ARB2A: variants seen among roughly 807,000 people sequenced by gnomAD.
ARB2A encodes cotranscriptional regulator ARB2A.
At chr5:93,976,110 C>A in the ARB2A span, among the ~76,000 whole-genome samples, 4 of 152,110 alleles carry the variant, frequency 2.6e-5, no homozygotes, top group African/African-American at 9.7e-5. Context: ...AAATGTGATT[C>A]ATTACATAAA....
At chr5:94,083,293 A>G in the ARB2A span, among the ~76,000 whole-genome samples, 1 of 152,208 alleles carries the variant, frequency 6.6e-6, no homozygotes, top group Non-Finnish European at 1.5e-5. Context: ...TTTTACAAGT[A>G]GACTTCTCCT....
the ARB2A span, among the ~76,000 whole-genome samples, chr5:93,688,249 C>T: frequency 6.6e-6 from 1 of 152,216 alleles, no homozygotes; most frequent in Admixed American, 6.5e-5. Flanking sequence ...GCTGGGATTA[C>T]AGGCGTAAGC....
At chr5:93,933,028 G>A in the ARB2A span, among the ~76,000 whole-genome samples, 1 of 152,148 alleles carries the variant, frequency 6.6e-6, no homozygotes, top group Admixed American at 6.5e-5. Flanking sequence ...AGACATTTAT[G>A]CGGACAACAA....
the ARB2A span, among the ~76,000 whole-genome samples, chr5:94,036,154 C>T: frequency 1.3e-5 from 2 of 152,108 alleles, no homozygotes; most frequent in African/African-American, 2.4e-5. Flanking sequence ...TTTTTCTCTG[C>T]TCAGTTACAT....
the ARB2A span, among the ~76,000 whole-genome samples, chr5:94,063,234 G>A: frequency 1.3e-5 from 2 of 152,120 alleles, no homozygotes; most frequent in Admixed American, 6.5e-5. Flanking sequence ...CAGGGGCCTG[G>A]GGATTGCCAA....
chr5:93,669,654 G>A, the ARB2A span, among the ~76,000 whole-genome samples: 1 of 152,278 alleles, frequency 6.6e-6, no homozygotes, highest in East Asian at 1.9e-4. Context: ...CCCCATTGCA[G>A]TATGCAGAAG....
chr5:93,687,214 C>T, the ARB2A span, among the ~76,000 whole-genome samples: 1 of 152,122 alleles, frequency 6.6e-6, no homozygotes, highest in Non-Finnish European at 1.5e-5. Context: ...AACCTCACTG[C>T]TTACCAAATA....
the ARB2A span, among the ~76,000 whole-genome samples, chr5:93,763,828 C>A: frequency 6.6e-6 from 1 of 152,218 alleles, no homozygotes; most frequent in Non-Finnish European, 1.5e-5. Flanking sequence ...TGTAAAAGAA[C>A]AGAAATTATA....
the ARB2A span, among the ~76,000 whole-genome samples, chr5:93,887,683 A>G: frequency 6.6e-6 from 1 of 151,932 alleles, no homozygotes; most frequent in African/African-American, 2.4e-5. Context: ...AGTATGATAC[A>G]AAGATACCCA....
chr5:93,705,900 G>A, the ARB2A span, among the ~76,000 whole-genome samples: 1 of 152,056 alleles, frequency 6.6e-6, no homozygotes, highest in Non-Finnish European at 1.5e-5. Context: ...TTTGGGGATT[G>A]GAAGTTCTTA....
the ARB2A span, chr5:93,958,627 T>G: frequency 1.5e-4 from 80 of 523,868 alleles, 1 homozygote; most frequent in East Asian, 2.7e-3. Flanking sequence ...TGCAAAATAA[T>G]GCAGAATAAT....
chr5:93,814,478 T>C, the ARB2A span, among the ~76,000 whole-genome samples: 1 of 152,210 alleles, frequency 6.6e-6, no homozygotes, highest in East Asian at 1.9e-4. Flanking sequence ...ATGTATTACA[T>C]AGCTATTATT....
chr5:93,969,550 G>A, the ARB2A span, among the ~76,000 whole-genome samples: 2 of 152,052 alleles, frequency 1.3e-5, no homozygotes, highest in Non-Finnish European at 2.9e-5. Context: ...ATTAGAGTCT[G>A]ACTCAAATTT....
the ARB2A span, among the ~76,000 whole-genome samples, chr5:93,874,718 T>G: frequency 2.8e-4 from 42 of 152,264 alleles, 1 homozygote; most frequent in East Asian, 7.5e-3. Context: ...GACTTGTGAC[T>G]GGTGTCTGAA....
chr5:94,074,674 A>C, the ARB2A span: 4 of 1,612,758 alleles, frequency 2.5e-6, no homozygotes, highest in Non-Finnish European at 3.4e-6. Flanking sequence ...TTTCTTTTTC[A>C]TCTGGACCTC....
chr5:93,855,840 G>C, the ARB2A span, among the ~76,000 whole-genome samples: 1 of 151,932 alleles, frequency 6.6e-6, no homozygotes, highest in Non-Finnish European at 1.5e-5. Context: ...AAGACCAAAA[G>C]TAGATAAAAC....
chr5:93,652,126 A>G, the ARB2A span, among the ~76,000 whole-genome samples: 30 of 152,334 alleles, frequency 2.0e-4, no homozygotes, highest in East Asian at 4.6e-3. Flanking sequence ...AGTCACTTCA[A>G]TTAAAACTAA....
the ARB2A span, among the ~76,000 whole-genome samples, chr5:93,718,903 GAGAT>G: frequency 6.6e-6 from 1 of 152,034 alleles, no homozygotes; most frequent in Non-Finnish European, 1.5e-5. Flanking sequence ...ATCTATTAAT[GAGAT>G]TTCCCTATCA....
At chr5:94,072,955 G>C in the ARB2A span, among the ~76,000 whole-genome samples, 1 of 152,000 alleles carries the variant, frequency 6.6e-6, no homozygotes, top group South Asian at 2.1e-4. Context: ...AGTTGTACCT[G>C]ACATTTTTCT....
Sources: gnomAD v4.1 joint callset for allele counts (sites outside exome capture counted in the v4.1 genomes callset) on GRCh38, gnomAD v4.1.1 for gene constraint, MANE v1.5 for transcripts, NCBI Gene and HGNC (gene_info 2026-07-23, HGNC 2026-07-21) for gene names.